The following TACR3 variants were observed in gnomAD, a reference collection of about 807,000 sequenced individuals.
TACR3 encodes the protein neuromedin-K receptor.
In TACR3, 34 loss-of-function variants were observed where a neutral mutation model predicts 35.0. That is an observed-to-expected ratio of 0.97 (90% CI 0.74 to 1.30). The LOEUF (loss-of-function observed/expected upper bound fraction) is 1.30, where lower values mean the gene tolerates loss of function less well. Ranked by LOEUF, TACR3 falls within the 50% of genes most tolerant of loss-of-function variation. The pLI, the probability that TACR3 is intolerant of heterozygous loss-of-function variation, is 0.00. For missense variants in TACR3, 558 were observed against 591.7 expected, an observed-to-expected ratio of 0.94 and a Z score of 0.59; for synonymous variants, 233 against 221.1, an observed-to-expected ratio of 1.05 and a Z score of -0.48.
intron 3 of TACR3, among the ~76,000 whole-genome samples, chr4:103,643,417 T>A (rs1435141082): frequency 7.1e-6 from 1 of 141,382 alleles, no homozygotes; most frequent in Non-Finnish European, 1.5e-5. Context: ...GAGTGAGACA[T>A]TGTCTAAAAA....
chr4:103,711,802 G>A (rs536049275), intron 1 of TACR3, among the ~76,000 whole-genome samples: 2 of 152,138 alleles, frequency 1.3e-5, no homozygotes, highest in Non-Finnish European at 2.9e-5. Flanking sequence ...AAAGTTTCAG[G>A]ATACAAAATC....
intron 3 of TACR3, among the ~76,000 whole-genome samples, chr4:103,629,303 G>GAGAA (rs1376358243): frequency 1.3e-5 from 2 of 152,052 alleles, no homozygotes; most frequent in African/African-American, 4.8e-5. Context: ...AATCAGGCAG[G>GAGAA]AGAAAGAAAT....
intron 3 of TACR3, among the ~76,000 whole-genome samples, chr4:103,654,294 A>C (rs1725683655): frequency 6.6e-6 from 1 of 151,552 alleles, no homozygotes; most frequent in African/African-American, 2.4e-5. Flanking sequence ...CTTGGAACCA[A>C]CCCAAATGTC....
chr4:103,700,839 A>G (rs1178878146), intron 1 of TACR3, among the ~76,000 whole-genome samples: 1 of 152,218 alleles, frequency 6.6e-6, no homozygotes, highest in Non-Finnish European at 1.5e-5. Context: ...GGCCTTTGAC[A>G]AAATTCAACA....
At chr4:103,596,282 G>T (rs1724014363) in intron 3 of TACR3, among the ~76,000 whole-genome samples, 1 of 151,842 alleles carries the variant, frequency 6.6e-6, no homozygotes, top group African/African-American at 2.4e-5. Flanking sequence ...GGGATGGCTG[G>T]GTCAAATGGT....
chr4:103,617,614 T>TCTTA (rs1316748331), intron 3 of TACR3, among the ~76,000 whole-genome samples: 2 of 152,170 alleles, frequency 1.3e-5, no homozygotes, highest in Non-Finnish European at 2.9e-5. Flanking sequence ...ACATAAGAAT[T>TCTTA]GGTGTATGCT....
chr4:103,643,083 C>T lies in TACR3; in HGVS notation c.888+13111G>A, dbSNP rs146496626. Among the ~76,000 whole-genome samples the T allele has an allele frequency of 2.7e-3, 412 of 151,888 alleles. 1 individual carries two copies. The highest frequency in any genetic ancestry group is 9.5e-3 in the African/African-American group (393 of 41,464). The stretch of plus-strand genomic sequence containing the variant: ...GTAAACACAGGTTTTGTAATAACTA[C>T]TGGATTTGCTTTATTGTTTTTATGC... On this transcript the variant is annotated intron_variant, in intron 3 of 4. Transcript: ENST00000304883.
chr4:103,711,361 C>T (rs1722954634), intron 1 of TACR3, among the ~76,000 whole-genome samples: 1 of 152,098 alleles, frequency 6.6e-6, no homozygotes, highest in African/African-American at 2.4e-5. Context: ...TAAACATAAT[C>T]CAGCATATAA....
At chr4:103,702,404 G>A (rs1336203130) in intron 1 of TACR3, among the ~76,000 whole-genome samples, 2 of 152,132 alleles carry the variant, frequency 1.3e-5, no homozygotes, top group Non-Finnish European at 2.9e-5. Context: ...GGAAACAACA[G>A]GTGCTGGAGG....
intron 1 of TACR3, among the ~76,000 whole-genome samples, chr4:103,710,492 G>A (rs200154199): frequency 1.1e-4 from 17 of 152,148 alleles, no homozygotes; most frequent in East Asian, 1.9e-4. Context: ...ATATAAAGCT[G>A]TGTGTAGAGG....
At chr4:103,616,952 T>TAATA (rs1724673275) in intron 3 of TACR3, among the ~76,000 whole-genome samples, 1 of 151,984 alleles carries the variant, frequency 6.6e-6, no homozygotes, top group African/African-American at 2.4e-5. Flanking sequence ...TATTTCAAAA[T>TAATA]AATATTAAAT....
At chr4:103,632,703 G>A (rs1265034768) in intron 3 of TACR3, among the ~76,000 whole-genome samples, 2 of 151,440 alleles carry the variant, frequency 1.3e-5, no homozygotes, top group Non-Finnish European at 2.9e-5. Flanking sequence ...TTTATAAAGT[G>A]CACTGAAAGC....
At chr4:103,616,460 T>C (rs1724664197) in intron 3 of TACR3, among the ~76,000 whole-genome samples, 1 of 152,208 alleles carries the variant, frequency 6.6e-6, no homozygotes, top group Non-Finnish European at 1.5e-5. Flanking sequence ...TGTGCATATA[T>C]ATGTATGCAT....
At chr4:103,681,845 C>T (rs1722097838) in intron 1 of TACR3, among the ~76,000 whole-genome samples, 1 of 151,702 alleles carries the variant, frequency 6.6e-6, no homozygotes, top group African/African-American at 2.4e-5. Flanking sequence ...ACCAAGATGA[C>T]CCATATTCTA....
intron 1 of TACR3, among the ~76,000 whole-genome samples, chr4:103,716,653 A>G (rs1723097422): frequency 6.6e-6 from 1 of 151,778 alleles, no homozygotes; most frequent in African/African-American, 2.4e-5. Context: ...GGCTGCAACC[A>G]TTTTGCTACA....
intron 1 of TACR3, among the ~76,000 whole-genome samples, chr4:103,673,308 C>A (rs958593817): frequency 2.6e-5 from 4 of 152,132 alleles, no homozygotes; most frequent in African/African-American, 9.7e-5. Flanking sequence ...CCTCACTAAG[C>A]TTAATCATTT....
intron 1 of TACR3, among the ~76,000 whole-genome samples, chr4:103,713,671 A>C (rs1271369235): frequency 6.6e-6 from 1 of 152,072 alleles, no homozygotes; most frequent in African/African-American, 2.4e-5. Flanking sequence ...AGACAGAAAA[A>C]AATAGGAGCT....
intron 1 of TACR3, among the ~76,000 whole-genome samples, chr4:103,694,250 G>A (rs1722474538): frequency 6.8e-6 from 1 of 148,010 alleles, no homozygotes; most frequent in Non-Finnish European, 1.5e-5. Context: ...TGCTTGTGAA[G>A]CTTACACCAT....
At chr4:103,682,547 C>G (rs757733086) in intron 1 of TACR3, among the ~76,000 whole-genome samples, 12 of 152,088 alleles carry the variant, frequency 7.9e-5, no homozygotes, top group Admixed American at 3.3e-4. Context: ...ATTCAATCAC[C>G]TCCTACCTGG....
Sources: allele counts gnomAD v4.1 joint callset (sites outside exome capture counted in the v4.1 genomes callset), GRCh38; gene constraint gnomAD v4.1.1; transcripts MANE v1.5; gene names NCBI Gene and HGNC (gene_info 2026-07-23, HGNC 2026-07-21).